Variants in PCBP3 observed in about 807,000 individuals in gnomAD.
PCBP3 encodes poly(rC) binding protein 3.
PCBP3 carries 25 observed loss-of-function variants against 52.7 expected under a neutral mutation model. The observed-to-expected ratio is 0.47, with a 90% CI of 0.35 to 0.66. The LOEUF is 0.66. Ranked by LOEUF, PCBP3 falls within the 30% of genes least tolerant of loss-of-function variation. PCBP3 has a pLI of 0.01. For synonymous variants in PCBP3, 162 were observed against 183.0 expected (o/e 0.89, Z 0.93); for missense variants, 391 against 490.3 (o/e 0.80, Z 1.91).
At chr21:45,678,521 T>C (rs144713607) in intron 2 of PCBP3, among the ~76,000 whole-genome samples, 2,458 of 151,792 alleles carry the variant, frequency 0.016, 42 homozygotes, top group East Asian at 0.039. Flanking sequence ...CCAACCCTCA[T>C]GGATGCCTTT....
At chr21:45,652,814 C>T (rs973082189) in intron 1 of PCBP3, among the ~76,000 whole-genome samples, 1 of 152,128 alleles carries the variant, frequency 6.6e-6, no homozygotes, top group Non-Finnish European at 1.5e-5. Context: ...ATTTTCCTTT[C>T]TTATAGCTGT....
chr21:45,657,497 A>G (rs2080094313), intron 1 of PCBP3, among the ~76,000 whole-genome samples: 1 of 152,212 alleles, frequency 6.6e-6, no homozygotes. Flanking sequence ...ACTCTATTCC[A>G]TGGACCTATA....
At chr21:45,651,633 TC>T (rs1222134041) in intron 1 of PCBP3, among the ~76,000 whole-genome samples, 1 of 152,214 alleles carries the variant, frequency 6.6e-6, no homozygotes, top group African/African-American at 2.4e-5. Context: ...TTGAACCATT[TC>T]CCTATAGCTA....
intron 1 of PCBP3, among the ~76,000 whole-genome samples, chr21:45,661,056 A>ATG (rs2080358355): frequency 1.3e-5 from 2 of 152,046 alleles, no homozygotes; most frequent in African/African-American, 4.8e-5. Context: ...AAATATATAT[A>ATG]TATATCTTGT....
intron 4 of PCBP3, among the ~76,000 whole-genome samples, chr21:45,797,204 A>G (rs2091964002): frequency 6.6e-6 from 1 of 152,118 alleles, no homozygotes; most frequent in African/African-American, 2.4e-5. Context: ...TGAATGCTAG[A>G]TGGATGGATG....
intron 4 of PCBP3, among the ~76,000 whole-genome samples, chr21:45,770,051 G>C (rs2089727819): frequency 6.6e-6 from 1 of 152,220 alleles, no homozygotes; most frequent in Non-Finnish European, 1.5e-5. Context: ...AGGACATGGT[G>C]AACGCCGGGG....
At chr21:45,885,188 T>C (rs1304534222) in intron 5 of PCBP3, among the ~76,000 whole-genome samples, 1 of 152,170 alleles carries the variant, frequency 6.6e-6, no homozygotes, top group African/African-American at 2.4e-5. Context: ...GGCACTTCTG[T>C]CCTTTTCAGC....
intron 2 of PCBP3, among the ~76,000 whole-genome samples, chr21:45,726,292 G>C (rs1411036662): frequency 6.6e-6 from 1 of 152,088 alleles, no homozygotes; most frequent in Admixed American, 6.5e-5. Flanking sequence ...GGGAGAGCAG[G>C]GGCAAGGAGA....
intron 5 of PCBP3, among the ~76,000 whole-genome samples, chr21:45,862,398 T>C (rs754620911): frequency 1.8e-4 from 28 of 152,124 alleles, no homozygotes; most frequent in Non-Finnish European, 8.8e-5. Context: ...TCATGTATAA[T>C]AGCAAGAAAA....
chr21:45,900,938 C>A (rs1202868318), intron 8 of PCBP3, 59 bp from the exon 9 acceptor site: 1 of 1,251,744 alleles, frequency 8.0e-7, no homozygotes, highest in South Asian at 1.2e-5. Context: ...TTGCGGCCCC[C>A]GACCCACTGG....
intron 5 of PCBP3, among the ~76,000 whole-genome samples, chr21:45,854,841 G>A (rs2094205980): frequency 6.6e-6 from 1 of 152,232 alleles, no homozygotes; most frequent in Non-Finnish European, 1.5e-5. Flanking sequence ...TGGGTGGGTG[G>A]AGCAAGCACT....
At position 45,827,798 on chromosome 21, in the gene PCBP3, A is replaced by T. The variant is rs573172229; in HGVS notation, c.-125-22163A>T. Among the ~76,000 whole-genome samples the T allele has an allele frequency of 8.1e-4, 124 of 152,318 alleles. No individual in the cohort carries two copies. Among genetic ancestry groups the T allele is most frequent in the South Asian group, 3.9e-3 (19 of 4,822 alleles). On this transcript the variant is annotated intron_variant, in intron 4 of 17. Coordinates refer to ENST00000681687, the MANE Select transcript of PCBP3 (RefSeq NM_001384156.1). This position sits in a 1 kb window ranked among gnomAD's most constrained non-coding sequence, Gnocchi z 4.3. ...AAGTTTAAAATGAAAGAGATGGAGG[A>T]GTTGCCAGATTCATACCAACAGGAG...
chr21:45,748,347 C>A (rs564859909), intron 3 of PCBP3, among the ~76,000 whole-genome samples: 6 of 152,152 alleles, frequency 3.9e-5, no homozygotes, highest in Non-Finnish European at 5.9e-5. Flanking sequence ...CATGCCTTTG[C>A]GCCATAGGCC....
In PCBP3 at chr21:45,736,828, CAT is replaced by C. The variant is rs1190106085; in HGVS notation, c.-162+1401_-162+1402del. 1.3e-5 allele frequency among the ~76,000 whole-genome samples: 2 copies of C among 152,286 alleles called. No homozygotes were observed. Among genetic ancestry groups the C allele is most frequent in the East Asian group, 3.9e-4 (2 of 5,190 alleles). The stretch of plus-strand genomic sequence containing the variant: ...GACATCCTTGTGGGGGGATCGAAAA[CAT>C]AAATCTAGTCAGTGAGTTCATCCTG... On this transcript the variant is annotated intron_variant, in intron 3 of 17. Coordinates refer to ENST00000681687, the MANE Select transcript of PCBP3 (RefSeq NM_001384156.1). This position sits in a 1 kb window ranked among gnomAD's most constrained non-coding sequence, Gnocchi z 4.6.
rs773260007 is a variant in PCBP3, at chr21:45,899,598, G to T, written c.166-1G>T. 3 of 1,609,978 alleles carry T rather than the reference G, an allele frequency of 1.9e-6. No individual in the cohort carries two copies. Among genetic ancestry groups the T allele is most frequent in the Non-Finnish European group, 2.5e-6 (3 of 1,176,536 alleles). ...TTTCTGTGATTTTTTTTTTCTTGCA[G>T]GAAGTTGGAAGCATCATCGGGAAGG... On this transcript the variant is annotated splice_acceptor_variant, in intron 6 of 17. Transcript: ENST00000681687. LOFTEE classifies it high-confidence loss of function.
rs1440700939 is a variant in PCBP3 at position 45,791,282 on chromosome 21, G to A, written c.-126+35830G>A. 6.6e-6 allele frequency among the ~76,000 whole-genome samples: 1 copy of A among 152,230 alleles called. No individual in the cohort carries two copies. Among genetic ancestry groups the A allele is most frequent in the East Asian group, 1.9e-4 (1 of 5,208 alleles). On this transcript the variant is annotated intron_variant, in intron 4 of 17. Transcript: ENST00000681687. The surrounding 1 kb of genome is among the most constrained non-coding windows in gnomAD (Gnocchi z 4.2). ...TTTCATATGGGTCAGTGTAAGGTTT[G>A]TGCGGTAGAATTTGGAAGGCTGGGA...
At chr21:45,667,936 T>G (rs1489486292) in intron 1 of PCBP3, among the ~76,000 whole-genome samples, 1 of 152,226 alleles carries the variant, frequency 6.6e-6, no homozygotes, top group Non-Finnish European at 1.5e-5. Context: ...CTTCACTGAC[T>G]CTGTACTTGA....
chr21:45,846,581 A>G lies in PCBP3; in HGVS notation c.-125-3380A>G, dbSNP rs762475241. Among the ~76,000 whole-genome samples, 20 of 152,108 alleles carry G rather than the reference A, an allele frequency of 1.3e-4. 1 individual carries two copies. The highest frequency in any genetic ancestry group is 3.6e-4 in the African/African-American group (15 of 41,420). On this transcript the variant is annotated intron_variant, in intron 4 of 17. Coordinates refer to ENST00000681687, the MANE Select transcript of PCBP3 (RefSeq NM_001384156.1). Reference sequence around the variant, plus strand: ...GTTATTTTTGACCCCTTACCTTGCCATGGCTGACAGTCATGTGTTAATGAT... The same window carrying G: ...GTTATTTTTGACCCCTTACCTTGCCGTGGCTGACAGTCATGTGTTAATGAT...
At chr21:45,701,347 A>T (rs1367228812) in intron 2 of PCBP3, among the ~76,000 whole-genome samples, 1 of 152,210 alleles carries the variant, frequency 6.6e-6, no homozygotes, top group Non-Finnish European at 1.5e-5. Context: ...TTCCTCTTCA[A>T]GCACCACAGT....
Sources: allele counts gnomAD v4.1 joint callset (sites outside exome capture counted in the v4.1 genomes callset), GRCh38; gene constraint gnomAD v4.1.1; non-coding constraint Gnocchi (gnomAD v3.1); transcripts MANE v1.5; gene names NCBI Gene and HGNC (gene_info 2026-07-23, HGNC 2026-07-21).